The following GCNT2 variants were observed in gnomAD, a reference collection of about 807,000 sequenced individuals.
The protein encoded by GCNT2 is N-acetyllactosaminide beta-1,6-N-acetylglucosaminyl-transferase.
GCNT2 carries 34 observed loss-of-function variants against 34.2 expected under a neutral mutation model. That is an observed-to-expected ratio of 1.00 (90% confidence interval 0.76 to 1.32). GCNT2 has a LOEUF of 1.32. GCNT2 is among the 40% of genes most tolerant of loss of function. The probability of loss-of-function intolerance (pLI) is 0.00; values close to 1 mark genes in which losing one functional copy is unlikely to be tolerated. For missense variants in GCNT2, 584 were observed against 489.4 expected (o/e 1.19, Z -1.82); for synonymous variants, 212 against 188.0 (o/e 1.13, Z -1.04).
At chr6:10,565,631 C>T (rs1004001295) in intron 3 of GCNT2, among the ~76,000 whole-genome samples, 2 of 152,196 alleles carry the variant, frequency 1.3e-5, no homozygotes, top group Admixed American at 6.5e-5. Flanking sequence ...CTGCCCGTTG[C>T]CTTTTCGCAA....
intron 3 of GCNT2, among the ~76,000 whole-genome samples, chr6:10,574,074 G>C (rs1226280695): frequency 6.6e-6 from 1 of 152,190 alleles, no homozygotes; most frequent in Non-Finnish European, 1.5e-5. Context: ...TTATATACTA[G>C]CCTATTTCAA....
Position 10,575,291 on chromosome 6 carries a change from A to C in GCNT2, c.925+45455A>C, listed in dbSNP as rs1763755120. On this transcript the variant is annotated intron_variant, in intron 3 of 4. Coordinates refer to ENST00000495262, the MANE Select transcript of GCNT2 (RefSeq NM_145649.5). ...TTTCTTGTCAACCAAATTTTCCGTG[A>C]TAGTGTATCTCATACAGTGTCTGTT... 5 of 256,566 alleles carry C rather than the reference A, an allele frequency of 1.9e-5. No homozygotes were observed. In the South Asian group the frequency reaches 1.9e-4, roughly 10 times the overall value. The allele number at this position is 256,566 out of a possible 1,614,324, so 15.9% of individuals were successfully genotyped here.
intron 3 of GCNT2, among the ~76,000 whole-genome samples, chr6:10,603,444 C>T (rs1251021943): frequency 6.6e-6 from 1 of 152,192 alleles, no homozygotes; most frequent in Non-Finnish European, 1.5e-5. Context: ...CACTGCGCAC[C>T]ACACAGCGCC....
At chr6:10,608,732 C>G (rs980363530) in intron 3 of GCNT2, among the ~76,000 whole-genome samples, 1 of 152,156 alleles carries the variant, frequency 6.6e-6, no homozygotes, top group Non-Finnish European at 1.5e-5. Flanking sequence ...TAGTTCCTAA[C>G]AAGGTTGAGC....
intron 3 of GCNT2, among the ~76,000 whole-genome samples, chr6:10,606,165 AT>A (rs555332564): frequency 2.4e-3 from 372 of 152,354 alleles, no homozygotes; most frequent in African/African-American, 8.0e-3. Flanking sequence ...AAATACAAAA[AT>A]TAGCCGGGTG....
chr6:10,548,947 C>T (rs1463344380), intron 3 of GCNT2, among the ~76,000 whole-genome samples: 2 of 152,102 alleles, frequency 1.3e-5, no homozygotes, highest in Admixed American at 1.3e-4. Context: ...TTAGGAGAGA[C>T]GGGGTTTCAC....
intron 3 of GCNT2, chr6:10,585,875 C>T (rs1276555435): frequency 2.1e-5 from 33 of 1,557,420 alleles, no homozygotes; most frequent in Admixed American, 1.3e-4. Flanking sequence ...GCAAGCAGCC[C>T]TCCGGAGAAG....
chr6:10,561,123 C>T (rs554490622), intron 3 of GCNT2, among the ~76,000 whole-genome samples: 1 of 152,304 alleles, frequency 6.6e-6, no homozygotes, highest in African/African-American at 2.4e-5. Flanking sequence ...AAGAAAAACC[C>T]ATGTGCTCTA....
At chr6:10,572,374 C>T (rs986809804) in intron 3 of GCNT2, among the ~76,000 whole-genome samples, 28 of 152,288 alleles carry the variant, frequency 1.8e-4, no homozygotes, top group African/African-American at 6.7e-4. Flanking sequence ...CCATTTATAA[C>T]GCTTTTCCCA....
intron 3 of GCNT2, among the ~76,000 whole-genome samples, chr6:10,530,923 G>A (rs533590664): frequency 1.4e-4 from 21 of 151,396 alleles, no homozygotes; most frequent in South Asian, 6.3e-4. Flanking sequence ...GCGTGGTGGC[G>A]CATGCCTGTA....
intron 3 of GCNT2, chr6:10,556,519 C>T (rs771422892): frequency 6.2e-7 from 1 of 1,613,986 alleles, no homozygotes; most frequent in South Asian, 1.1e-5. Context: ...GAGATCCAAG[C>T]TTCCAAAGGC....
chr6:10,576,087 C>A (rs1763796040), intron 3 of GCNT2, among the ~76,000 whole-genome samples: 1 of 152,206 alleles, frequency 6.6e-6, no homozygotes, highest in Non-Finnish European at 1.5e-5. Context: ...CCAGGCTGGT[C>A]TCGAACTCCT....
chr6:10,549,055 C>T (rs545821574), intron 3 of GCNT2, among the ~76,000 whole-genome samples: 18 of 152,262 alleles, frequency 1.2e-4, no homozygotes, highest in African/African-American at 3.6e-4. Context: ...CCGCGCCCAG[C>T]GTGAAGACAT....
At chr6:10,593,462 C>G (rs192380631) in intron 3 of GCNT2, among the ~76,000 whole-genome samples, 234 of 152,228 alleles carry the variant, frequency 1.5e-3, no homozygotes, top group South Asian at 3.7e-3. Context: ...CTCAGGCTGC[C>G]AAGTAGCAAG....
intron 3 of GCNT2, 71 bp downstream of exon 3, chr6:10,529,907 A>G: frequency 3.3e-6 from 4 of 1,213,774 alleles, no homozygotes; most frequent in Non-Finnish European, 4.8e-6. Flanking sequence ...AGTTGCTTTG[A>G]AAAGAGTGGA....
chr6:10,529,563 G>A lies in GCNT2; in HGVS notation c.652G>A (p.Gly218Arg), dbSNP rs775617613. ...ATTTAAAGGGAAAAATATCACCCCC[G>A]GAGTGCTGCCTCCTGACCACGCTGT... The part of the protein sequence containing the change: ...KGFKGKNITP[G>R]VLPPDHAVGR... The change falls in exon 3 of 5, where the codon GGA (glycine) becomes AGA (arginine). Residue 218 changes from glycine (G) to arginine (R), a missense_variant. Physicochemically the swap from Gly to Arg is moderately radical, Grantham distance 125 (BLOSUM62 -2). Coordinates refer to ENST00000495262, the MANE Select transcript of GCNT2 (RefSeq NM_145649.5). 1.8e-5 allele frequency: 29 copies of A among 1,613,982 alleles called. No individual in the cohort carries two copies. The highest frequency in any genetic ancestry group is 1.6e-4 in the Middle Eastern group (1 of 6,084).
chr6:10,586,780 C>A, intron 3 of GCNT2: 1 of 1,614,010 alleles, frequency 6.2e-7, no homozygotes, highest in Non-Finnish European at 8.5e-7. Context: ...TACTTTGGCA[C>A]TGCCTATGTG....
chr6:10,576,021 C>T (rs1763793606), intron 3 of GCNT2, among the ~76,000 whole-genome samples: 1 of 152,192 alleles, frequency 6.6e-6, no homozygotes, highest in Non-Finnish European at 1.5e-5. Flanking sequence ...CACACAAAGC[C>T]TGTTTGGTGG....
At chr6:10,625,532 A>T (rs78718219) in intron 4 of GCNT2, among the ~76,000 whole-genome samples, 10 of 150,788 alleles carry the variant, frequency 6.6e-5, no homozygotes, top group South Asian at 2.1e-4. Flanking sequence ...AAAAAAAAAA[A>T]TTTCAATATT....
Sources: gnomAD v4.1 joint callset for allele counts (sites outside exome capture counted in the v4.1 genomes callset) on GRCh38, gnomAD v4.1.1 for gene constraint, MANE v1.5 for transcripts, NCBI Gene and HGNC (gene_info 2026-07-23, HGNC 2026-07-21) for gene names.